The following CPVL variants were observed in gnomAD, a reference collection of about 807,000 sequenced individuals.
CPVL encodes probable serine carboxypeptidase CPVL.
Under a neutral mutation model 63.7 loss-of-function variants are expected in CPVL, and 51 were observed. The observed-to-expected ratio is 0.80, with a 90% CI of 0.64 to 1.01. CPVL has a LOEUF of 1.01. Ranked by LOEUF, CPVL falls within the 50% of genes least tolerant of loss-of-function variation. The pLI is 0.00. For missense variants in CPVL, 530 were observed against 573.1 expected (o/e 0.92, Z 0.77); for synonymous variants, 195 against 206.0 (o/e 0.95, Z 0.46).
intron 11 of CPVL, among the ~76,000 whole-genome samples, chr7:29,052,500 T>C (rs1259821726): frequency 6.8e-6 from 1 of 147,550 alleles, no homozygotes; most frequent in Non-Finnish European, 1.5e-5. Context: ...ACAAATTGGA[T>C]TTTATCAAAA....
intron 3 of CPVL, among the ~76,000 whole-genome samples, chr7:29,099,603 T>C (rs1786865561): frequency 6.6e-6 from 1 of 152,132 alleles, no homozygotes; most frequent in Non-Finnish European, 1.5e-5. Flanking sequence ...TCCTAGCTAC[T>C]TTAGAGGCTG....
intron 5 of CPVL, among the ~76,000 whole-genome samples, chr7:29,154,659 C>T (rs763401079): frequency 1.3e-5 from 2 of 151,976 alleles, no homozygotes; most frequent in African/African-American, 4.8e-5. Flanking sequence ...CATGGTGAAA[C>T]TTCATCTCTA....
chr7:29,195,032 C>T (rs1783485991), intron 1 of CPVL: 2 of 1,569,522 alleles, frequency 1.3e-6, no homozygotes, highest in Non-Finnish European at 1.7e-6. Context: ...CGCCGGGTCT[C>T]GCCCCACTGC....
intron 2 of CPVL, among the ~76,000 whole-genome samples, chr7:29,115,132 C>T (rs1303244308): frequency 2.0e-5 from 3 of 152,212 alleles, no homozygotes; most frequent in Non-Finnish European, 4.4e-5. Context: ...TTCCGCTATC[C>T]TGGGCTTTCT....
At chr7:29,068,720 A>T (rs1027408316) in intron 9 of CPVL, among the ~76,000 whole-genome samples, 1 of 121,468 alleles carries the variant, frequency 8.2e-6, no homozygotes, top group Non-Finnish European at 1.7e-5. Context: ...TTTGAGATGG[A>T]GTCTCGCTCT....
chr7:29,125,526 G>A (rs1197512232), intron 1 of CPVL, among the ~76,000 whole-genome samples: 1 of 151,732 alleles, frequency 6.6e-6, no homozygotes, highest in Non-Finnish European at 1.5e-5. Context: ...CCATGTAGCT[G>A]GGATTACAGG....
rs10269095 is a variant in CPVL at position 29,164,754 on chromosome 7, C to T, written c.-11+16536G>A. Among the ~76,000 whole-genome samples, 465 of 142,162 alleles carry T rather than the reference C, an allele frequency of 3.3e-3. 4 individuals are homozygous for T. The highest frequency in any genetic ancestry group is 0.012 in the African/African-American group (437 of 37,548). 93.3% of individuals were successfully genotyped at this position (142,162 alleles called of 152,430 possible). A position where few individuals can be genotyped will look rare whatever the true frequency, so the allele number is the denominator to read the frequency against. On this transcript the variant is annotated intron_variant, in intron 5 of 16. Transcript: ENST00000409850. The stretch of plus-strand genomic sequence containing the variant: ...CGAGATCTCACCACTGCACTCCAGC[C>T]TGGGTGACAGAGCAAGACCTGTCTC...
At chr7:29,155,786 C>A (rs1022970107) in intron 5 of CPVL, among the ~76,000 whole-genome samples, 2 of 152,182 alleles carry the variant, frequency 1.3e-5, no homozygotes, top group Admixed American at 1.3e-4. Flanking sequence ...GTTGACAAAT[C>A]TCATCCTTGT....
At chr7:29,143,077 C>T (rs1450962440) in intron 1 of CPVL, among the ~76,000 whole-genome samples, 1 of 152,146 alleles carries the variant, frequency 6.6e-6, no homozygotes, top group Non-Finnish European at 1.5e-5. Context: ...ACAAGGCACT[C>T]CATTCCTCCC....
At chr7:29,113,381 G>A (rs1788446301) in intron 2 of CPVL, among the ~76,000 whole-genome samples, 2 of 152,164 alleles carry the variant, frequency 1.3e-5, no homozygotes, top group South Asian at 4.1e-4. Context: ...AAGGTGGACA[G>A]TGGTGGACAG....
chr7:29,141,632 C>G (rs1343513848), intron 1 of CPVL, among the ~76,000 whole-genome samples: 1 of 151,738 alleles, frequency 6.6e-6, no homozygotes, highest in Non-Finnish European at 1.5e-5. Context: ...AACTCTGTAC[C>G]TTGGCCGGGC....
upstream of CPVL, among the ~76,000 whole-genome samples, chr7:29,149,189 C>T (rs1221954418): frequency 4.0e-5 from 4 of 100,350 alleles, no homozygotes; most frequent in Non-Finnish European, 5.5e-5. Flanking sequence ...GTCTGTTTCC[C>T]TTTTTTTTTT....
chr7:29,020,826 A>C (rs1786888904), intron 12 of CPVL, among the ~76,000 whole-genome samples: 1 of 152,216 alleles, frequency 6.6e-6, no homozygotes, highest in African/African-American at 2.4e-5. Flanking sequence ...CTCAGGCAAG[A>C]GAGGTGCTAA....
chr7:29,155,068 G>A (rs245901), intron 5 of CPVL, among the ~76,000 whole-genome samples: 84,994 of 151,830 alleles, frequency 0.56, 24,626 homozygotes, highest in African/African-American at 0.72. Context: ...CTTATTCACT[G>A]TCAGGAGAAC....
At chr7:29,176,369 A>T (rs1306733669) in intron 5 of CPVL, among the ~76,000 whole-genome samples, 2 of 152,270 alleles carry the variant, frequency 1.3e-5, no homozygotes, top group South Asian at 4.1e-4. Context: ...AAAAAGAAAA[A>T]AAAATGCCAA....
chr7:29,056,771 G>A (rs1790772925), intron 11 of CPVL, among the ~76,000 whole-genome samples: 1 of 152,036 alleles, frequency 6.6e-6, no homozygotes, highest in Non-Finnish European at 1.5e-5. Context: ...CTTCCAAGGT[G>A]GCTGTATCAT....
intron 2 of CPVL, among the ~76,000 whole-genome samples, chr7:29,118,689 G>A (rs1789031856): frequency 6.6e-6 from 1 of 152,162 alleles, no homozygotes; most frequent in Non-Finnish European, 1.5e-5. Context: ...CATCCTATTG[G>A]CTGTGAGAAC....
intron 3 of CPVL, 103 bp from the exon 4 acceptor site, chr7:29,096,320 T>C (rs1562767380): frequency 1.1e-6 from 1 of 904,772 alleles, no homozygotes; most frequent in East Asian, 2.5e-5. Flanking sequence ...TACAGGGCTG[T>C]GACTAAATCC....
chr7:29,072,849 TA>T, intron 7 of CPVL, among the ~76,000 whole-genome samples: 1 of 152,320 alleles, frequency 6.6e-6, no homozygotes, highest in South Asian at 2.1e-4. Flanking sequence ...CAACATGTAC[TA>T]AAGGAATAGG....
Sources: allele counts gnomAD v4.1 joint callset (sites outside exome capture counted in the v4.1 genomes callset), GRCh38; gene constraint gnomAD v4.1.1; transcripts MANE v1.5; gene names NCBI Gene and HGNC (gene_info 2026-07-23, HGNC 2026-07-21).